Variants in ERGIC1 observed in about 807,000 individuals in gnomAD.
ERGIC1 encodes the protein endoplasmic reticulum-Golgi intermediate compartment protein 1.
A neutral mutation model predicts 38.3 loss-of-function variants in ERGIC1; 19 were observed. The ratio of observed to expected loss-of-function variants is 0.50; its 90% CI spans 0.35 to 0.73. The LOEUF (loss-of-function observed/expected upper bound fraction) is 0.73, where lower values mean the gene tolerates loss of function less well. Among genes scored for constraint, ERGIC1 ranks in the 30% least tolerant of loss-of-function variants. The pLI is 0.01. For synonymous variants in ERGIC1, 124 were observed against 157.6 expected (o/e 0.79, Z 1.60); for missense variants, 294 against 389.2 (o/e 0.76, Z 2.06).
intron 2 of ERGIC1, among the ~76,000 whole-genome samples, chr5:172,896,140 C>G (rs986388855): frequency 6.6e-6 from 1 of 151,852 alleles, no homozygotes; most frequent in African/African-American, 2.4e-5. Context: ...ATCAGGAGTT[C>G]AAGACCAGCC....
Position 172,928,602 on chromosome 5 carries a change from TATAACATGGCACTCTGCC to T in ERGIC1, c.541+2034_541+2051del, listed in dbSNP as rs553935963. On this transcript the variant is annotated intron_variant, in intron 7 of 9. Coordinates refer to ENST00000393784, the MANE Select transcript of ERGIC1 (RefSeq NM_001031711.3). ...TGCTGCCCTTGGCTGTTGCGCCAGCTATAACATGGCACTCTGCCTTGCCCACTGCTTTGTCCCCAGGAC... is the reference window on the plus strand; with the variant it reads ...TGCTGCCCTTGGCTGTTGCGCCAGCTTTGCCCACTGCTTTGTCCCCAGGAC... Among the ~76,000 whole-genome samples the T allele has an allele frequency of 6.3e-3, 966 of 152,340 alleles. 34 individuals carry two copies. The highest frequency in any genetic ancestry group is 0.059 in the Admixed American group (903 of 15,306).
chr5:172,869,301 T>TG (rs1413924080), intron 1 of ERGIC1, among the ~76,000 whole-genome samples: 1 of 152,242 alleles, frequency 6.6e-6, no homozygotes, highest in African/African-American at 2.4e-5. Context: ...GCCAGGGAAT[T>TG]GCAAAATTCA....
chr5:172,870,684 A>G (rs142163543), intron 1 of ERGIC1, among the ~76,000 whole-genome samples: 12 of 152,242 alleles, frequency 7.9e-5, no homozygotes, highest in Admixed American at 6.5e-4. Flanking sequence ...AGAAAGCACA[A>G]GTTGAGGCAG....
At chr5:172,888,491 T>A (rs1218071861) in intron 1 of ERGIC1, among the ~76,000 whole-genome samples, 1 of 149,876 alleles carries the variant, frequency 6.7e-6, no homozygotes, top group Non-Finnish European at 1.5e-5. Context: ...GAAGAAGAGA[T>A]GACAAGGGGA....
intron 2 of ERGIC1, among the ~76,000 whole-genome samples, chr5:172,894,416 G>T (rs793222): frequency 0.032 from 4,811 of 151,730 alleles, 103 homozygotes; most frequent in Middle Eastern, 0.095. Flanking sequence ...GGCTGGTCTC[G>T]AACTCTTGAC....
chr5:172,945,807 C>T (rs1764109504), intron 9 of ERGIC1, among the ~76,000 whole-genome samples: 1 of 152,194 alleles, frequency 6.6e-6, no homozygotes, highest in African/African-American at 2.4e-5. Context: ...GCATCAGCCT[C>T]CCGAGTAGCT....
chr5:172,836,854 TGAGA>T (rs2113500207), intron 1 of ERGIC1, among the ~76,000 whole-genome samples: 1 of 152,334 alleles, frequency 6.6e-6, no homozygotes, highest in South Asian at 2.1e-4. Flanking sequence ...CCTTGTCACC[TGAGA>T]GAGGGAGTTT....
intron 2 of ERGIC1, 71 bp downstream of exon 2, chr5:172,888,831 T>G: frequency 7.4e-7 from 1 of 1,353,888 alleles, no homozygotes; most frequent in Non-Finnish European, 1.1e-6. Context: ...TCTGTGCAGA[T>G]CATCTGGGCC....
At chr5:172,921,110 T>G (rs1763505656) in intron 5 of ERGIC1, among the ~76,000 whole-genome samples, 1 of 152,200 alleles carries the variant, frequency 6.6e-6, no homozygotes, top group African/African-American at 2.4e-5. Context: ...CTGCTTTGTA[T>G]GCATCACCTC....
chr5:172,909,488 G>A lies in ERGIC1; in HGVS notation c.156-179G>A, dbSNP rs539335498. ...CCCTCCCGTCCTGAGAGGTAAGGCT[G>A]CACTTGAAGAGTGCAGCCTAGACCC... On this transcript the variant is annotated intron_variant, in intron 3 of 9. Transcript: ENST00000393784. Among the ~76,000 whole-genome samples the A allele has an allele frequency of 6.6e-5, 10 of 152,220 alleles. No homozygotes were observed. In the East Asian group the frequency reaches 1.9e-3, roughly 29 times the overall value.
intron 1 of ERGIC1, among the ~76,000 whole-genome samples, chr5:172,876,296 G>T (rs1408369558): frequency 6.6e-6 from 1 of 152,192 alleles, no homozygotes; most frequent in Non-Finnish European, 1.5e-5. Context: ...AATTCTCTTA[G>T]TCTTTCTGCA....
At chr5:172,938,449 G>T (rs539328647) in intron 9 of ERGIC1, among the ~76,000 whole-genome samples, 99 of 152,266 alleles carry the variant, frequency 6.5e-4, no homozygotes, top group African/African-American at 2.0e-3. Context: ...TGAGACTCTG[G>T]GCATTACAAT....
At chr5:172,842,861 TG>T (rs1450722310) in intron 1 of ERGIC1, among the ~76,000 whole-genome samples, 1 of 152,232 alleles carries the variant, frequency 6.6e-6, no homozygotes, top group African/African-American at 2.4e-5. Context: ...GGAGGGTTTT[TG>T]GCCAGGCATG....
chr5:172,841,210 C>T (rs1044587828), intron 1 of ERGIC1, among the ~76,000 whole-genome samples: 3 of 152,292 alleles, frequency 2.0e-5, no homozygotes, highest in African/African-American at 2.4e-5. Flanking sequence ...AGGAAAAAAA[C>T]CTCCAACGCT....
At chr5:172,903,121 C>T (rs934798008) in intron 3 of ERGIC1, among the ~76,000 whole-genome samples, 3 of 152,176 alleles carry the variant, frequency 2.0e-5, no homozygotes, top group Admixed American at 6.5e-5. Context: ...TCCACCAGCG[C>T]GTGCCTTCCC....
intron 1 of ERGIC1, among the ~76,000 whole-genome samples, chr5:172,836,620 G>C (rs987088411): frequency 6.6e-6 from 1 of 152,164 alleles, no homozygotes; most frequent in Admixed American, 6.5e-5. Context: ...ACCTTCCTCC[G>C]CTTCAGTGTG....
At chr5:172,941,708 T>C (rs1388696414) in intron 9 of ERGIC1, among the ~76,000 whole-genome samples, 1 of 152,194 alleles carries the variant, frequency 6.6e-6, no homozygotes, top group East Asian at 1.9e-4. Flanking sequence ...AAACAAAGTT[T>C]TATTGTGAAT....
intron 1 of ERGIC1, among the ~76,000 whole-genome samples, chr5:172,839,590 C>T (rs1581501735): frequency 6.6e-6 from 1 of 151,768 alleles, no homozygotes; most frequent in South Asian, 2.1e-4. Flanking sequence ...TACACACACA[C>T]ACACATACAC....
In ERGIC1 at chr5:172,926,827, C is replaced by T. The variant is rs1355059268; in HGVS notation, c.541+258C>T. On this transcript the variant is annotated intron_variant, in intron 7 of 9. Transcript: ENST00000393784. This position sits in a 1 kb window ranked among gnomAD's most constrained non-coding sequence, Gnocchi z 5.2. ...GCACGCAGTGGATACCAGCTATTAC[C>T]ATTATTGTTGCTCTCATCACAGCCA... is the stretch of plus-strand genomic sequence containing the variant. The T allele has an allele frequency of 1.3e-5, 7 of 520,616 alleles. No homozygotes were observed. The East Asian group carries it at 1.6e-4, about 12-fold the overall frequency. 32.2% of individuals were successfully genotyped at this position (520,616 alleles called of 1,614,324 possible).
Sources: allele counts gnomAD v4.1 joint callset (sites outside exome capture counted in the v4.1 genomes callset), GRCh38; gene constraint gnomAD v4.1.1; non-coding constraint Gnocchi (gnomAD v3.1); transcripts MANE v1.5; gene names NCBI Gene and HGNC (gene_info 2026-07-23, HGNC 2026-07-21).